Variants in RECQL5 observed in about 807,000 individuals in gnomAD.
The protein encoded by RECQL5 is ATP-dependent DNA helicase Q5.
A neutral mutation model predicts 103.4 loss-of-function variants in RECQL5; 88 were observed. The ratio of observed to expected loss-of-function variants is 0.85; its 90% CI spans 0.72 to 1.02. The LOEUF (loss-of-function observed/expected upper bound fraction) is 1.02. RECQL5 is among the 50% of genes least tolerant of loss of function. The probability of loss-of-function intolerance (pLI) is 0.00; values close to 1 mark genes in which losing one functional copy is unlikely to be tolerated. For missense variants in RECQL5, 1,232 were observed against 1,284.3 expected (o/e 0.96, Z 0.62); for synonymous variants, 552 against 507.9 (o/e 1.09, Z -1.17).
At chr17:75,658,082 G>A (rs2059650863) in intron 7 of RECQL5, among the ~76,000 whole-genome samples, 1 of 151,918 alleles carries the variant, frequency 6.6e-6, no homozygotes. Context: ...CTAGTATTAA[G>A]ATAATTTAAA....
At chr17:75,630,862 G>T in intron 11 of RECQL5, 25 bp from the exon 12 acceptor site, 2 of 1,476,544 alleles carry the variant, frequency 1.4e-6, no homozygotes, top group Non-Finnish European at 1.8e-6. Context: ...GGTGGTCCTT[G>T]GTCCTTTCGC....
At chr17:75,664,291 A>G (rs1196692035) in intron 3 of RECQL5, among the ~76,000 whole-genome samples, 1 of 152,190 alleles carries the variant, frequency 6.6e-6, no homozygotes, top group Admixed American at 6.5e-5. Context: ...GGTCCCAGAC[A>G]GTTTCTCATC....
At chr17:75,664,912 CAAA>C (rs371470695) in intron 3 of RECQL5, 136 bp downstream of exon 3, 12,571 of 909,554 alleles carry the variant, frequency 0.014, no homozygotes, top group South Asian at 0.022. Flanking sequence ...GACTCTGTCT[CAAA>C]AAAAAAAAAA....
At chr17:75,652,904 CA>C (rs2059573145) in intron 7 of RECQL5, among the ~76,000 whole-genome samples, 1 of 152,214 alleles carries the variant, frequency 6.6e-6, no homozygotes, top group Non-Finnish European at 1.5e-5. Context: ...TCACAAAATC[CA>C]AACTGTTTTC....
intron 8 of RECQL5, among the ~76,000 whole-genome samples, chr17:75,642,084 T>C (rs1210053105): frequency 6.6e-6 from 1 of 152,184 alleles, no homozygotes; most frequent in Non-Finnish European, 1.5e-5. Flanking sequence ...AGGGACCCAT[T>C]TTAAAGACTG....
At chr17:75,643,725 C>A (rs2059458355) in intron 8 of RECQL5, among the ~76,000 whole-genome samples, 1 of 152,220 alleles carries the variant, frequency 6.6e-6, no homozygotes, top group Non-Finnish European at 1.5e-5. Flanking sequence ...ATGGAAGGGG[C>A]AGCCATCAGG....
chr17:75,639,114 G>C (rs1224529556), intron 8 of RECQL5: 1 of 152,352 alleles, frequency 6.6e-6, no homozygotes, highest in Non-Finnish European at 1.5e-5. Flanking sequence ...CCTTCACGGT[G>C]GTTCTAAACC....
chr17:75,628,928 C>T lies in RECQL5; in HGVS notation c.2489+6G>A. On this transcript the variant is annotated splice_donor_region_variant and intron_variant, in intron 16 of 19. Coordinates refer to ENST00000317905, the MANE Select transcript of RECQL5 (RefSeq NM_004259.7). ...CAGAAGATTCTATGACTACCTGTAC[C>T]CTTACCTTGGCCTCTCCCTGAGGCA... is the stretch of plus-strand genomic sequence containing the variant. 2 of 1,578,358 alleles carry T rather than the reference C, an allele frequency of 1.3e-6. No homozygotes were observed. The highest frequency in any genetic ancestry group is 1.7e-6 in the Non-Finnish European group (2 of 1,169,464).
chr17:75,662,950 C>T lies in RECQL5; in HGVS notation c.300G>A (p.Leu100=). The change falls in exon 4 of 20, where the codon CTG becomes CTA. Residue 100 remains leucine, a synonymous_variant. Coordinates refer to ENST00000317905, the MANE Select transcript of RECQL5 (RefSeq NM_004259.7). Reference sequence around the variant, plus strand: ...TTTCCTGTGCAGAGAGCTTCGAGTTCAGGGAACTTACTCGTACCTTTAGGG... The same window carrying T: ...TTTCCTGTGCAGAGAGCTTCGAGTTTAGGGAACTTACTCGTACCTTTAGGG... ...LLTLKVRVSS[L]NSKLSAQERK... 6.2e-7 allele frequency: 1 copy of T among 1,613,738 alleles called. No homozygotes were observed. Among genetic ancestry groups the T allele is most frequent in the Non-Finnish European group, 8.5e-7 (1 of 1,179,878 alleles).
rs1254677564 is a variant in RECQL5, at chr17:75,633,439, C to T, written c.1230-1771G>A. The T allele has an allele frequency of 2.3e-6, 3 of 1,288,858 alleles. No homozygotes were observed. The African/African-American group carries it at 4.6e-5, about 20-fold the overall frequency. 79.8% of individuals were successfully genotyped at this position (1,288,858 alleles called of 1,614,324 possible). A position where few individuals can be genotyped will look rare whatever the true frequency, so the allele number is the denominator to read the frequency against. ...AGCTGGGCCAGGAGTGCGGTCACAG[C>T]CCCAGCAGAAGGCCCTCACCTCACA... is the stretch of plus-strand genomic sequence containing the variant. On this transcript the variant is annotated intron_variant, in intron 8 of 19. Coordinates refer to ENST00000317905, the MANE Select transcript of RECQL5 (RefSeq NM_004259.7).
intron 8 of RECQL5, among the ~76,000 whole-genome samples, chr17:75,631,980 G>T (rs1046524395): frequency 6.6e-6 from 1 of 152,268 alleles, no homozygotes; most frequent in South Asian, 2.1e-4. Flanking sequence ...GCAATGGGAT[G>T]TAGATGCTGG....
rs769987205 is a variant in RECQL5 at position 75,640,853 on chromosome 17, G to A, written c.1230-9185C>T. On this transcript the variant is annotated intron_variant, in intron 8 of 19. Transcript: ENST00000317905. This position sits in a 1 kb window ranked among gnomAD's most constrained non-coding sequence, Gnocchi z 4.6. The stretch of plus-strand genomic sequence containing the variant: ...CTGCTGCACTCACTGCTGCTGCCCT[G>A]AGCGGAGAGGCAGGAAGGTCCAGGT... The A allele has an allele frequency of 3.2e-5, 50 of 1,548,886 alleles. No individual in the cohort carries two copies. The highest frequency in any genetic ancestry group is 1.7e-4 in the Middle Eastern group (1 of 5,990).
chr17:75,660,898 G>C, intron 6 of RECQL5, 57 bp downstream of exon 6: 1 of 1,295,668 alleles, frequency 7.7e-7, no homozygotes, highest in Admixed American at 1.7e-5. Context: ...ACAGCACTAG[G>C]CAATCCACCC....
intron 3 of RECQL5, among the ~76,000 whole-genome samples, chr17:75,664,758 CAA>C (rs2059744718): frequency 6.6e-6 from 1 of 151,362 alleles, no homozygotes; most frequent in Admixed American, 6.6e-5. Flanking sequence ...ACTAAAAATA[CAA>C]AAATTAGCCG....
Position 75,666,407 on chromosome 17 carries a change from A to C in RECQL5, c.130+21T>G, listed in dbSNP as rs1445399839. The C allele has an allele frequency of 3.1e-6, 5 of 1,613,474 alleles. No individual in the cohort carries two copies. The East Asian group carries it at 1.1e-4, about 36-fold the overall frequency. ...GGTATAGCCAGCATAAATTTAAAGG[A>C]AGGTAGCTTGGTAATGTTACCTTTT... On this transcript the variant is annotated intron_variant, in intron 2 of 19. Coordinates refer to ENST00000317905, the MANE Select transcript of RECQL5 (RefSeq NM_004259.7).
intron 8 of RECQL5, chr17:75,650,509 T>C: frequency 7.0e-7 from 1 of 1,419,816 alleles, no homozygotes; most frequent in South Asian, 1.5e-5. Flanking sequence ...GGACCTCAAT[T>C]TATTCACCTC....
In RECQL5 at chr17:75,627,671, G is replaced by A. The variant is rs753537300; in HGVS notation, c.2827C>T (p.Arg943Cys). The A allele has an allele frequency of 1.6e-5, 26 of 1,609,694 alleles. No homozygotes were observed. The highest frequency in any genetic ancestry group is 5.1e-5 in the Admixed American group (3 of 59,132). ...ASKELFKGFA[R>C]HLSHLLTQKT... ...TGAGTCAGCAAGTGTGAGAGGTGGC[G>A]GGCAAAGCCTTTAAACAACTCCTGG... Residue 943 changes from arginine (R) to cysteine (C), a missense_variant, in exon 19 of 20, where the codon CGC becomes TGC. Coordinates refer to ENST00000317905, the MANE Select transcript of RECQL5 (RefSeq NM_004259.7).
Position 75,628,211 on chromosome 17 carries a change from C to G in RECQL5, c.2805+7G>C. ...GGGAGAAGGCAGAGCCCACTCACTC[C>G]CCCTACCTTGGAAGCAAACTTGCCC... On this transcript the variant is annotated splice_region_variant and intron_variant, in intron 18 of 19. Transcript: ENST00000317905. 6.2e-7 allele frequency: 1 copy of G among 1,611,650 alleles called. No individual in the cohort carries two copies. The highest frequency in any genetic ancestry group is 1.1e-5 in the South Asian group (1 of 91,046).
intron 8 of RECQL5, chr17:75,634,087 G>A (rs947152119): frequency 2.3e-5 from 23 of 985,492 alleles, no homozygotes; most frequent in Non-Finnish European, 2.5e-5. Context: ...GTCAGCAGAG[G>A]AGCTGGGCTG....
Sources: allele counts gnomAD v4.1 joint callset (sites outside exome capture counted in the v4.1 genomes callset), GRCh38; gene constraint gnomAD v4.1.1; non-coding constraint Gnocchi (gnomAD v3.1); transcripts MANE v1.5; gene names NCBI Gene and HGNC (gene_info 2026-07-23, HGNC 2026-07-21).